RACK1: variants seen among roughly 807,000 people sequenced by gnomAD.
The protein encoded by RACK1 is small ribosomal subunit protein RACK1.
In RACK1, 3 loss-of-function variants were observed where a neutral mutation model predicts 42.2. That is an observed-to-expected ratio of 0.07 (90% CI 0.03 to 0.18). The LOEUF is 0.18. RACK1 is among the 10% of genes least tolerant of loss of function. The pLI is 1.00. For synonymous variants in RACK1, 181 were observed against 154.8 expected (o/e 1.17, Z -1.25); for missense variants, 146 against 403.2 (o/e 0.36, Z 5.46).
rs1029569422 is a variant in RACK1, at chr5:181,243,827, C to T, written c.-27G>A. 12 of 1,583,050 alleles carry T rather than the reference C, an allele frequency of 7.6e-6. No homozygotes were observed. The highest frequency in any genetic ancestry group is 1.3e-5 in the African/African-American group (1 of 74,398). ...GCGGCGGCGAGAGCGTGTGTCGCTG[C>T]AGCGACGAGGATGGCACTGGATGGC... On this transcript the variant is annotated 5_prime_UTR_variant, in exon 1 of 8. Coordinates refer to ENST00000512805, the MANE Select transcript of RACK1 (RefSeq NM_006098.5).
intron 7 of RACK1, 148 bp downstream of exon 7, chr5:181,237,461 A>T (rs1361949121): frequency 3.0e-6 from 2 of 671,976 alleles, no homozygotes; most frequent in African/African-American, 3.5e-5. Flanking sequence ...CTGGCATGGC[A>T]AACGAGGGCA....
In RACK1 at chr5:181,241,426, C is replaced by CAAAAAAA. The variant is rs57063983; in HGVS notation, c.429+59_429+65dup. The CAAAAAAA allele has an allele frequency of 9.0e-3, 9,610 of 1,069,272 alleles. 122 individuals carry two copies. The highest frequency in any genetic ancestry group is 0.078 in the African/African-American group (2,742 of 34,996). The allele number at this position is 1,069,272 out of a possible 1,614,324, so 66.2% of individuals were successfully genotyped here. A position where few individuals can be genotyped will look rare whatever the true frequency, so the allele number is the denominator to read the frequency against. On this transcript the variant is annotated intron_variant, in intron 3 of 7. Transcript: ENST00000512805. ...GCTTGGGCAAGAGTGAGACTGTCGC[C>CAAAAAAA]AAAAAAAAAAAAAAAAAGCAAAGTT...
chr5:181,236,941 G>GTTT lies in RACK1; in HGVS notation c.*33_*35dup, dbSNP rs11445317. ...AAAAACCTAAAAGTCAGAAAAGCCAGTTTTTTTTTTATTTGTAAAGCTCTG... is the reference window on the plus strand; with the variant it reads ...AAAAACCTAAAAGTCAGAAAAGCCAGTTTTTTTTTTTTTATTTGTAAAGCTCTG... On this transcript the variant is annotated 3_prime_UTR_variant, in exon 8 of 8. Transcript: ENST00000512805. 2.6e-5 allele frequency: 36 copies of GTTT among 1,371,172 alleles called. No homozygotes were observed. The East Asian group carries it at 2.8e-4, about 11-fold the overall frequency. The allele number at this position is 1,371,172 out of a possible 1,614,324, so 84.9% of individuals were successfully genotyped here.
At chr5:181,239,026 G>T in intron 5 of RACK1, 41 bp downstream of exon 5, 1 of 1,279,996 alleles carries the variant, frequency 7.8e-7, no homozygotes, top group Non-Finnish European at 1.1e-6. Flanking sequence ...CTTCCATGAC[G>T]CTGTCTTCCA....
At chr5:181,238,877 CAG>C in intron 5 of RACK1, 188 bp downstream of exon 5, 1 of 655,946 alleles carries the variant, frequency 1.5e-6, no homozygotes, top group Non-Finnish European at 2.8e-6. Context: ...CTTTTTCTTC[CAG>C]ATAGTATGCC....
Position 181,239,478 on chromosome 5 carries a change from G to T in RACK1, c.525+9C>A. The T allele has an allele frequency of 1.2e-6, 2 of 1,604,868 alleles. No homozygotes were observed. Among genetic ancestry groups the T allele is most frequent in the South Asian group, 1.1e-5 (1 of 90,864 alleles). On this transcript the variant is annotated intron_variant, in intron 4 of 7. Coordinates refer to ENST00000512805, the MANE Select transcript of RACK1 (RefSeq NM_006098.5). ...ACTGGTAAAGCCCCTGCCTTGGCTTGACGCTCACCTTGACCAGCTTGTCCC... is the reference window on the plus strand; with the variant it reads ...ACTGGTAAAGCCCCTGCCTTGGCTTTACGCTCACCTTGACCAGCTTGTCCC...
intron 5 of RACK1, chr5:181,238,535 T>C: frequency 2.7e-6 from 1 of 369,758 alleles, no homozygotes; most frequent in Non-Finnish European, 5.1e-6. Context: ...CTGGGTGCGG[T>C]GGCTCATGCC....
chr5:181,239,235 G>C (rs529953435), intron 4 of RACK1, 58 bp from the exon 5 acceptor site: 5 of 1,189,270 alleles, frequency 4.2e-6, no homozygotes, highest in Non-Finnish European at 6.3e-6. Context: ...CTAGGGTCAG[G>C]CCCAACAAAA....
intron 4 of RACK1, 36 bp from the exon 5 acceptor site, chr5:181,239,213 G>T (rs1269312575): frequency 7.3e-7 from 1 of 1,369,990 alleles, no homozygotes; most frequent in Non-Finnish European, 1.0e-6. Context: ...GAACATCCTA[G>T]CTCTTGATGA....
chr5:181,238,043 C>T, intron 6 of RACK1, 56 bp downstream of exon 6: 2 of 1,592,808 alleles, frequency 1.3e-6, no homozygotes, highest in Middle Eastern at 1.7e-4. Flanking sequence ...ATAACCAAAA[C>T]ATTGCCAGGG....
intron 6 of RACK1, 97 bp from the exon 7 acceptor site, chr5:181,237,816 T>C: frequency 1.3e-6 from 1 of 782,060 alleles, no homozygotes; most frequent in Non-Finnish European, 2.2e-6. Flanking sequence ...GGGATGATTT[T>C]GCTCCCTGGG....
Position 181,239,529 on chromosome 5 carries a change from G to A in RACK1, c.483C>T (p.Ser161=), listed in dbSNP as rs772098539. 33 of 1,613,980 alleles carry A rather than the reference G, an allele frequency of 2.0e-5. No individual in the cohort carries two copies. Among genetic ancestry groups the A allele is most frequent in the Middle Eastern group, 1.7e-4 (1 of 6,060 alleles). Residue 161 remains serine, a synonymous_variant, in exon 4 of 8, where the codon AGC becomes AGT. Transcript: ENST00000512805. ...VSCVRFSPNS[S]NPIIVSCGWD... Reference sequence around the variant, plus strand: ...AGCCACAGGAGACGATGATAGGGTTGCTGCTGTTGGGCGAGAAGCGGACAC... The same window carrying A: ...AGCCACAGGAGACGATGATAGGGTTACTGCTGTTGGGCGAGAAGCGGACAC...
At chr5:181,238,949 AT>A in intron 5 of RACK1, 117 bp downstream of exon 5, 1 of 777,908 alleles carries the variant, frequency 1.3e-6, no homozygotes, top group Non-Finnish European at 2.4e-6. Flanking sequence ...CCATTATCTC[AT>A]TATCCTCCTA....
intron 1 of RACK1, chr5:181,243,375 G>A (rs755315717): frequency 5.0e-6 from 7 of 1,404,410 alleles, no homozygotes; most frequent in African/African-American, 2.9e-5. Context: ...GGTCATCACC[G>A]CCCCGCCCGG....
In RACK1 at chr5:181,243,898, G is replaced by T. The variant is rs41285573; in HGVS notation, c.-98C>A. 8.0e-4 allele frequency: 1,169 copies of T among 1,452,650 alleles called. 1 individual carries two copies. The highest frequency in any genetic ancestry group is 1.0e-3 in the Non-Finnish European group (1,123 of 1,102,032). 90.0% of individuals were successfully genotyped at this position (1,452,650 alleles called of 1,614,324 possible). On this transcript the variant is annotated 5_prime_UTR_variant, in exon 1 of 8. Transcript: ENST00000512805. ...ACCTCTCCTGCCGCCGCCTTGCAGTGAAAGAGAGAGAGAAAAGCCCCCCGC... is the reference window on the plus strand; with the variant it reads ...ACCTCTCCTGCCGCCGCCTTGCAGTTAAAGAGAGAGAGAAAAGCCCCCCGC...
intron 2 of RACK1, 133 bp from the exon 3 acceptor site, chr5:181,241,772 C>T: frequency 1.0e-6 from 1 of 952,794 alleles, no homozygotes; most frequent in Non-Finnish European, 1.7e-6. Context: ...ATCACAGAGT[C>T]AAGTGACTGA....
rs1554104426 is a variant in RACK1 at position 181,237,953 on chromosome 5, CAG to C, written c.777+144_777+145del. ...GAATGTACAGGACTGCACACCACAA[CAG>C]AGTTACTCAGACCAAAATGTCATTA... On this transcript the variant is annotated intron_variant, in intron 6 of 7. Coordinates refer to ENST00000512805, the MANE Select transcript of RACK1 (RefSeq NM_006098.5). 605 of 816,934 alleles carry C rather than the reference CAG, an allele frequency of 7.4e-4. 3 individuals carry two copies. In the African/African-American group the frequency reaches 9.5e-3, roughly 13 times the overall value. The allele number at this position is 816,934 out of a possible 1,614,324, so 50.6% of individuals were successfully genotyped here.
chr5:181,241,456 A>C, intron 3 of RACK1, 36 bp downstream of exon 3: 1 of 1,376,960 alleles, frequency 7.3e-7, no homozygotes, highest in Non-Finnish European at 1.0e-6. Flanking sequence ...AAAGTTTAAG[A>C]GGGTGGAAGA....
At chr5:181,238,467 T>C in intron 5 of RACK1, 1 of 498,990 alleles carries the variant, frequency 2.0e-6, no homozygotes, top group Non-Finnish European at 3.6e-6. Context: ...ATCACTCCAA[T>C]CATTTCTGAA....
Sources: gnomAD v4.1 joint callset for allele counts on GRCh38, gnomAD v4.1.1 for gene constraint, MANE v1.5 for transcripts, NCBI Gene and HGNC (gene_info 2026-07-23, HGNC 2026-07-21) for gene names.